Variants in ULK4 observed in about 807,000 individuals in gnomAD.
ULK4 encodes the protein unc-51 like kinase 4.
Under a neutral mutation model 160.6 loss-of-function variants are expected in ULK4, and 133 were observed. The observed-to-expected ratio is 0.83, with a 90% CI of 0.72 to 0.96. The LOEUF is 0.96. ULK4 is among the 40% of genes least tolerant of loss of function. The pLI, the probability that ULK4 is intolerant of heterozygous loss-of-function variation, is 0.00. For synonymous variants in ULK4, 534 were observed against 539.8 expected, an observed-to-expected ratio of 0.99 and a Z score of 0.15; for missense variants, 1,580 against 1,499.5, an observed-to-expected ratio of 1.05 and a Z score of -0.89.
chr3:41,897,769 A>G (rs1698215016), intron 14 of ULK4, among the ~76,000 whole-genome samples: 1 of 152,206 alleles, frequency 6.6e-6, no homozygotes, highest in South Asian at 2.1e-4. Context: ...ATAAACCCTT[A>G]GCTGGTTTAT....
intron 5 of ULK4, among the ~76,000 whole-genome samples, chr3:41,926,733 T>C (rs1424079999): frequency 6.6e-6 from 1 of 151,700 alleles, no homozygotes; most frequent in Non-Finnish European, 1.5e-5. Flanking sequence ...ATAGATCAAG[T>C]GGAAGAAAGG....
At chr3:41,429,592 A>G (rs2082856647) in intron 34 of ULK4, among the ~76,000 whole-genome samples, 1 of 152,196 alleles carries the variant, frequency 6.6e-6, no homozygotes, top group African/African-American at 2.4e-5. Flanking sequence ...CTTTGCAGGA[A>G]CATGGATGGA....
At chr3:41,311,755 C>A (rs372796265) in intron 35 of ULK4, among the ~76,000 whole-genome samples, 1 of 151,112 alleles carries the variant, frequency 6.6e-6, no homozygotes, top group South Asian at 2.1e-4. Flanking sequence ...TTTTTAGTAG[C>A]GACAGGGTTT....
chr3:41,633,846 C>T (rs2033845251), intron 30 of ULK4, among the ~76,000 whole-genome samples: 1 of 152,136 alleles, frequency 6.6e-6, no homozygotes, highest in Non-Finnish European at 1.5e-5. Context: ...ACTACCATGA[C>T]CACCACCCAG....
intron 14 of ULK4, among the ~76,000 whole-genome samples, chr3:41,897,835 G>C (rs1263791590): frequency 6.6e-6 from 1 of 151,990 alleles, no homozygotes; most frequent in Non-Finnish European, 1.5e-5. Flanking sequence ...CTCTAGCCAC[G>C]ATGAATAATT....
At chr3:41,365,348 A>G (rs2081235039) in intron 35 of ULK4, among the ~76,000 whole-genome samples, 1 of 152,254 alleles carries the variant, frequency 6.6e-6, no homozygotes, top group Admixed American at 6.5e-5. Context: ...GCAAATACGA[A>G]ATAGTCTCAA....
intron 30 of ULK4, among the ~76,000 whole-genome samples, chr3:41,632,550 A>T (rs2033792958): frequency 6.6e-6 from 1 of 152,196 alleles, no homozygotes. Flanking sequence ...TAGGATAGAT[A>T]CATAAAGATA....
At chr3:41,349,778 T>G (rs905268725) in intron 35 of ULK4, among the ~76,000 whole-genome samples, 1 of 152,172 alleles carries the variant, frequency 6.6e-6, no homozygotes, top group African/African-American at 2.4e-5. Flanking sequence ...AGTTCCTCTT[T>G]GGAGGGGTCT....
rs934903051 is a variant in ULK4 at position 41,941,660 on chromosome 3, G to A, written c.139-3463C>T. 6.1e-5 allele frequency among the ~76,000 whole-genome samples: 9 copies of A among 147,826 alleles called. No individual in the cohort carries two copies. In the South Asian group the frequency reaches 6.5e-4, roughly 11 times the overall value. On this transcript the variant is annotated intron_variant, in intron 2 of 36. Coordinates refer to ENST00000301831, the MANE Select transcript of ULK4 (RefSeq NM_017886.4). Reference sequence around the variant, plus strand: ...TGGTCCCAGCTACTAGGGAGGCTGCGGCAGGAGGATCCATTGAGCCCGGGA... The same window carrying A: ...TGGTCCCAGCTACTAGGGAGGCTGCAGCAGGAGGATCCATTGAGCCCGGGA...
At chr3:41,684,216 A>G (rs1408579976) in intron 27 of ULK4, among the ~76,000 whole-genome samples, 1 of 152,226 alleles carries the variant, frequency 6.6e-6, no homozygotes, top group East Asian at 1.9e-4. Flanking sequence ...GGCAACCCAG[A>G]AATCTGGCAT....
chr3:41,770,090 CATTT>C (rs936166288), intron 21 of ULK4, among the ~76,000 whole-genome samples: 2 of 152,216 alleles, frequency 1.3e-5, no homozygotes, highest in Admixed American at 1.3e-4. Context: ...AGAGAACACA[CATTT>C]ATTAATACAG....
At chr3:41,735,700 T>TTATTATTATTA (rs1335827883) in intron 22 of ULK4, among the ~76,000 whole-genome samples, 4 of 149,530 alleles carry the variant, frequency 2.7e-5, no homozygotes, top group Non-Finnish European at 5.9e-5. Context: ...ATTATTATTA[T>TTATTATTATTA]TATTATTATT....
chr3:41,555,442 CAG>C (rs1321210424), intron 32 of ULK4, among the ~76,000 whole-genome samples: 3 of 152,042 alleles, frequency 2.0e-5, no homozygotes, highest in Non-Finnish European at 4.4e-5. Context: ...CACTGATCAT[CAG>C]AGAAATGCAA....
chr3:41,640,685 T>C (rs985005826), intron 30 of ULK4, among the ~76,000 whole-genome samples: 8 of 152,202 alleles, frequency 5.3e-5, no homozygotes, highest in African/African-American at 1.7e-4. Flanking sequence ...AGGCATAGTG[T>C]ACCTGAGACT....
In ULK4 at chr3:41,881,284, TAAAAAAAAAAA is replaced by T. The variant is rs58977381; in HGVS notation, c.1656+2579_1656+2589del. Among the ~76,000 whole-genome samples, 389 of 126,246 alleles carry T rather than the reference TAAAAAAAAAAA, an allele frequency of 3.1e-3. 1 individual carries two copies. The highest frequency in any genetic ancestry group is 4.4e-3 in the East Asian group (21 of 4,738). The allele number at this position is 126,246 out of a possible 152,430, so 82.8% of individuals were successfully genotyped here. Reference sequence around the variant, plus strand: ...CCACACATCCTGTAGCAGAAACTTCTAAAAAAAAAAAAAAAAAAAAAAAAAACAGGAAAAAG... The same window carrying T: ...CCACACATCCTGTAGCAGAAACTTCTAAAAAAAAAAAAAAACAGGAAAAAG... On this transcript the variant is annotated intron_variant, in intron 17 of 36. Coordinates refer to ENST00000301831, the MANE Select transcript of ULK4 (RefSeq NM_017886.4).
intron 5 of ULK4, 56 bp from the exon 6 acceptor site, chr3:41,919,874 G>A (rs1323288118): frequency 1.4e-5 from 17 of 1,198,594 alleles, no homozygotes; most frequent in Non-Finnish European, 1.6e-5. Flanking sequence ...CTGCCAACAC[G>A]AACCCACCTA....
chr3:41,503,037 T>C (rs975708859), intron 32 of ULK4, among the ~76,000 whole-genome samples: 6 of 151,928 alleles, frequency 3.9e-5, no homozygotes, highest in African/African-American at 9.7e-5. Context: ...GAAAAAAAAA[T>C]GTACTTTAGA....
At chr3:41,302,064 A>C (rs9867802) in intron 35 of ULK4, among the ~76,000 whole-genome samples, 45,408 of 152,028 alleles carry the variant, frequency 0.3, 7,139 homozygotes, top group Middle Eastern at 0.35. Context: ...CTCAGGAAAA[A>C]CTACTTACAT....
At chr3:41,751,961 C>T (rs2038646375) in intron 22 of ULK4, among the ~76,000 whole-genome samples, 1 of 152,136 alleles carries the variant, frequency 6.6e-6, no homozygotes, top group African/African-American at 2.4e-5. Context: ...CAAGGGCTAA[C>T]ACAAGGGCAA....
Sources: allele counts gnomAD v4.1 joint callset (sites outside exome capture counted in the v4.1 genomes callset), GRCh38; gene constraint gnomAD v4.1.1; transcripts MANE v1.5; gene names NCBI Gene and HGNC (gene_info 2026-07-23, HGNC 2026-07-21).